Variants in CDRT4 observed in about 807,000 individuals in gnomAD.
CDRT4 encodes CMT1A duplicated region transcript 4 protein.
For synonymous variants in CDRT4, 64 were observed against 69.6 expected (o/e 0.92, Z 0.40); for missense variants, 167 against 193.1 (o/e 0.87, Z 0.80).
intron 2 of CDRT4, among the ~76,000 whole-genome samples, chr17:15,448,304 T>C (rs1011749779): frequency 2.6e-5 from 4 of 152,216 alleles, no homozygotes; most frequent in Non-Finnish European, 4.4e-5. Context: ...GCCCATAGCA[T>C]GACCATGCAG....
At chr17:15,456,650 A>G (rs1052061780) in intron 1 of CDRT4, among the ~76,000 whole-genome samples, 8 of 151,878 alleles carry the variant, frequency 5.3e-5, no homozygotes, top group Non-Finnish European at 7.4e-5. Flanking sequence ...GAATGGAGTA[A>G]GTTTTAAGGC....
intron 1 of CDRT4, among the ~76,000 whole-genome samples, chr17:15,466,818 C>T (rs891136647): frequency 6.6e-6 from 1 of 152,222 alleles, no homozygotes; most frequent in Non-Finnish European, 1.5e-5. Context: ...ATCCTCCTGC[C>T]TCAGCCTCCT....
chr17:15,466,625 CACAG>C (rs1980055115), intron 1 of CDRT4, among the ~76,000 whole-genome samples: 1 of 152,154 alleles, frequency 6.6e-6, no homozygotes, highest in Non-Finnish European at 1.5e-5. Context: ...CCTGGGCTCA[CACAG>C]ACACACACTC....
intron 3 of CDRT4, among the ~76,000 whole-genome samples, 155 bp from the exon 4 acceptor site, chr17:15,438,355 G>A (rs1978600343): frequency 6.6e-6 from 1 of 152,128 alleles, no homozygotes; most frequent in Admixed American, 6.5e-5. Context: ...CAAAGTGGGG[G>A]AACAGAACGA....
chr17:15,452,364 A>G (rs1979300955), intron 2 of CDRT4: 1 of 152,260 alleles, frequency 6.6e-6, no homozygotes, highest in Non-Finnish European at 1.5e-5. Context: ...ATTCAAGCAC[A>G]TGGACCCGTG....
intron 1 of CDRT4, among the ~76,000 whole-genome samples, chr17:15,460,927 A>G (rs1597469427): frequency 7.0e-6 from 1 of 143,842 alleles, no homozygotes; most frequent in Non-Finnish European, 1.5e-5. Context: ...TCCTCCTGTC[A>G]GTCCTCAAAC....
intron 1 of CDRT4, among the ~76,000 whole-genome samples, chr17:15,457,748 T>C (rs546197558): frequency 5.3e-5 from 8 of 152,268 alleles, no homozygotes; most frequent in African/African-American, 1.9e-4. Context: ...TGCTTTGCTT[T>C]TGGGGCCACA....
intron 1 of CDRT4, among the ~76,000 whole-genome samples, chr17:15,461,778 T>C (rs1198643743): frequency 6.6e-6 from 1 of 152,142 alleles, no homozygotes; most frequent in African/African-American, 2.4e-5. Flanking sequence ...TATATAAATA[T>C]AGGCTACAGA....
chr17:15,457,582 C>T (rs1053458920), intron 1 of CDRT4, among the ~76,000 whole-genome samples: 27 of 152,228 alleles, frequency 1.8e-4, no homozygotes, highest in Admixed American at 1.8e-3. Context: ...GGAGCTGCAA[C>T]GTGGAGCCAG....
At chr17:15,448,103 T>C (rs775071274) in intron 2 of CDRT4, among the ~76,000 whole-genome samples, 7 of 152,178 alleles carry the variant, frequency 4.6e-5, no homozygotes, top group Non-Finnish European at 7.4e-5. Context: ...TGGAGAACAC[T>C]TCAGGGAAAC....
At chr17:15,463,232 G>T (rs751101229) in intron 1 of CDRT4, among the ~76,000 whole-genome samples, 14 of 152,124 alleles carry the variant, frequency 9.2e-5, no homozygotes, top group Middle Eastern at 3.4e-3. Flanking sequence ...GTTTTTATGA[G>T]TTGGGCTGAA....
rs943888132 is a variant in CDRT4, at chr17:15,450,691, A to G, written c.-48+2313T>C. Among the ~76,000 whole-genome samples the G allele has an allele frequency of 6.6e-6, 1 of 152,078 alleles. No individual in the cohort carries two copies. Among genetic ancestry groups the G allele is most frequent in the African/African-American group, 2.4e-5 (1 of 41,392 alleles). ...GACTTCTTTCCCAAAGTCCAAATAC[A>G]TATATCCAACTGCCAATATACTACA... On this transcript the variant is annotated intron_variant, in intron 2 of 3. Transcript: ENST00000619038. This position sits in a 1 kb window ranked among gnomAD's most constrained non-coding sequence, Gnocchi z 4.2.
chr17:15,448,689 T>C (rs990513885), intron 2 of CDRT4, among the ~76,000 whole-genome samples: 1 of 152,166 alleles, frequency 6.6e-6, no homozygotes, highest in African/African-American at 2.4e-5. Context: ...CCTTCCCCAC[T>C]ACTGCCATCC....
intron 1 of CDRT4, among the ~76,000 whole-genome samples, chr17:15,459,065 C>T (rs1421186570): frequency 3.9e-5 from 6 of 152,146 alleles, no homozygotes; most frequent in East Asian, 1.9e-4. Flanking sequence ...ACAGAAATGG[C>T]GTGAGGGCTC....
At position 15,450,322 on chromosome 17, in the gene CDRT4, C is replaced by G. The variant is rs891036950; in HGVS notation, c.-48+2682G>C. ...CGTACCAACTCTCCACCATAAGCTC[C>G]CCTGCACTATGCCTTCCTTCCCACT... On this transcript the variant is annotated intron_variant, in intron 2 of 3. Coordinates refer to ENST00000619038, the MANE Select transcript of CDRT4 (RefSeq NM_001204477.2). The surrounding 1 kb of genome is among the most constrained non-coding windows in gnomAD (Gnocchi z 4.2). 1.3e-5 allele frequency among the ~76,000 whole-genome samples: 2 copies of G among 152,116 alleles called. No individual in the cohort carries two copies. Among genetic ancestry groups the G allele is most frequent in the African/African-American group, 4.8e-5 (2 of 41,420 alleles).
chr17:15,458,687 G>C (rs896405494), intron 1 of CDRT4, among the ~76,000 whole-genome samples: 3 of 152,146 alleles, frequency 2.0e-5, no homozygotes, highest in African/African-American at 7.2e-5. Context: ...ACCACCGAAG[G>C]CTTATTAATC....
chr17:15,446,997 C>A (rs1240192589), intron 2 of CDRT4, among the ~76,000 whole-genome samples: 1 of 152,170 alleles, frequency 6.6e-6, no homozygotes, highest in African/African-American at 2.4e-5. Flanking sequence ...CTAAGAGGGA[C>A]AGGTCCTGCA....
chr17:15,444,022 C>T, intron 2 of CDRT4: 1 of 810,494 alleles, frequency 1.2e-6, no homozygotes, highest in Non-Finnish European at 2.1e-6. Context: ...CCAAGTGTTG[C>T]CTGTTCAGTA....
intron 1 of CDRT4, among the ~76,000 whole-genome samples, chr17:15,463,350 T>A (rs1035848636): frequency 6.6e-6 from 1 of 152,186 alleles, no homozygotes; most frequent in South Asian, 2.1e-4. Context: ...ACTTTTAGGC[T>A]GTAATTAGCA....
Sources: gnomAD v4.1 joint callset for allele counts (sites outside exome capture counted in the v4.1 genomes callset) on GRCh38, gnomAD v4.1.1 for gene constraint, Gnocchi (gnomAD v3.1) non-coding constraint, MANE v1.5 for transcripts, NCBI Gene and HGNC (gene_info 2026-07-23, HGNC 2026-07-21) for gene names.